The following ABTB2 variants were observed in gnomAD, a reference collection of about 807,000 sequenced individuals.
ABTB2 encodes the protein ankyrin repeat and BTB domain containing 2, also known as ankyrin repeat and BTB/POZ domain-containing protein 2.
ABTB2 carries 56 observed loss-of-function variants against 104.1 expected under a neutral mutation model. That is an observed-to-expected ratio of 0.54 (90% confidence interval 0.43 to 0.67). The LOEUF (loss-of-function observed/expected upper bound fraction) is 0.67, where lower values mean the gene tolerates loss of function less well. Among genes scored for constraint, ABTB2 ranks in the 30% least tolerant of loss-of-function variants. The pLI is 0.00. For synonymous variants in ABTB2, 606 were observed against 608.2 expected, an observed-to-expected ratio of 1.00 and a Z score of 0.05; for missense variants, 1,279 against 1,407.7, an observed-to-expected ratio of 0.91 and a Z score of 1.46.
chr11:34,180,583 A>G (rs1853013989), intron 3 of ABTB2, among the ~76,000 whole-genome samples: 1 of 152,250 alleles, frequency 6.6e-6, no homozygotes, highest in African/African-American at 2.4e-5. Context: ...AGGGCAGCAC[A>G]TGAAATAGAC....
intron 1 of ABTB2, among the ~76,000 whole-genome samples, chr11:34,276,754 G>A (rs1236290275): frequency 6.6e-6 from 1 of 152,184 alleles, no homozygotes; most frequent in Admixed American, 6.5e-5. Flanking sequence ...TAAACAAGGT[G>A]CGCTGCTGAT....
At position 34,154,685 on chromosome 11, in the gene ABTB2, C is replaced by A. The variant is rs199588715; in HGVS notation, c.2766+16G>T. On this transcript the variant is annotated intron_variant, in intron 15 of 16. Coordinates refer to ENST00000435224, the MANE Select transcript of ABTB2 (RefSeq NM_145804.3). The surrounding 1 kb of genome is among the most constrained non-coding windows in gnomAD (Gnocchi z 4.9). ...GCACCCTAGCCCAGGCCCCCTCCCC[C>A]TCTCCCGAGTCTCACCTCCAGGATG... 5.7e-4 allele frequency: 914 copies of A among 1,613,930 alleles called. 3 individuals are homozygous for A. The Middle Eastern group carries it at 5.9e-3, about 10-fold the overall frequency.
intron 3 of ABTB2, among the ~76,000 whole-genome samples, chr11:34,192,632 C>T (rs1408559338): frequency 3.9e-5 from 6 of 152,192 alleles, no homozygotes; most frequent in African/African-American, 9.6e-5. Flanking sequence ...CTGGGGAGAA[C>T]GAGGCAAGAG....
At chr11:34,319,999 C>T (rs1854982261) in intron 1 of ABTB2, among the ~76,000 whole-genome samples, 1 of 152,148 alleles carries the variant, frequency 6.6e-6, no homozygotes, top group African/African-American at 2.4e-5. Context: ...ATCCACCCAC[C>T]TTGGCCTTCC....
At chr11:34,166,490 G>A (rs1852801902) in intron 7 of ABTB2, among the ~76,000 whole-genome samples, 1 of 152,242 alleles carries the variant, frequency 6.6e-6, no homozygotes, top group African/African-American at 2.4e-5. Context: ...GGTGGCCAGT[G>A]GGTAACAGCC....
Position 34,357,670 on chromosome 11 carries a change from G to A in ABTB2, c.-87C>T. The A allele has an allele frequency of 1.5e-6, 2 of 1,312,728 alleles. No homozygotes were observed. Among genetic ancestry groups the A allele is most frequent in the Non-Finnish European group, 9.9e-7 (1 of 1,010,418 alleles). 81.3% of individuals were successfully genotyped at this position (1,312,728 alleles called of 1,614,324 possible). On this transcript the variant is annotated 5_prime_UTR_variant, in exon 1 of 17. Coordinates refer to ENST00000435224, the MANE Select transcript of ABTB2 (RefSeq NM_145804.3). ...CCCAAGTGGGCAGAAACAAGCTCTAGGCCCTCCGGGCCACCCTCCTTCCTC... is the reference window on the plus strand; with the variant it reads ...CCCAAGTGGGCAGAAACAAGCTCTAAGCCCTCCGGGCCACCCTCCTTCCTC...
chr11:34,207,932 C>A (rs1053744562), intron 1 of ABTB2, among the ~76,000 whole-genome samples: 4 of 152,208 alleles, frequency 2.6e-5, no homozygotes, highest in African/African-American at 4.8e-5. Context: ...GGTCTCCAGG[C>A]ACCTCCTGCC....
chr11:34,289,671 C>T (rs558536046), intron 1 of ABTB2, among the ~76,000 whole-genome samples: 10 of 152,242 alleles, frequency 6.6e-5, no homozygotes, highest in African/African-American at 2.2e-4. Context: ...CCAAGTCTTC[C>T]TTCCCATCCA....
chr11:34,324,461 T>C (rs1286458108), intron 1 of ABTB2, among the ~76,000 whole-genome samples: 1 of 152,182 alleles, frequency 6.6e-6, no homozygotes, highest in African/African-American at 2.4e-5. Context: ...CATGAGGTGA[T>C]ATCTACTTGT....
intron 1 of ABTB2, among the ~76,000 whole-genome samples, chr11:34,315,988 G>A (rs1191489683): frequency 6.6e-6 from 1 of 152,232 alleles, no homozygotes; most frequent in Non-Finnish European, 1.5e-5. Context: ...AATGTTTGCA[G>A]TTAAAATGTT....
intron 3 of ABTB2, among the ~76,000 whole-genome samples, chr11:34,178,578 G>A (rs369595745): frequency 7.9e-5 from 12 of 152,314 alleles, no homozygotes; most frequent in African/African-American, 2.2e-4. Context: ...CTCATTCCCC[G>A]CTTGTTGCGT....
rs543895308 is a variant in ABTB2 at position 34,152,011 on chromosome 11, G to T, written c.*376C>A. The T allele has an allele frequency of 3.9e-6, 1 of 254,888 alleles. No individual in the cohort carries two copies. The allele number at this position is 254,888 out of a possible 1,614,324, so 15.8% of individuals were successfully genotyped here. The stretch of plus-strand genomic sequence containing the variant: ...TACCCCCAGGAGCCCCAGTTGGGAT[G>T]GTCTGAGTTTACTGAGGCCCTAGGG... On this transcript the variant is annotated 3_prime_UTR_variant, in exon 17 of 17. Transcript: ENST00000435224.
intron 1 of ABTB2, 24 bp from the exon 2 acceptor site, chr11:34,204,714 G>T: frequency 6.2e-7 from 1 of 1,603,448 alleles, no homozygotes; most frequent in Non-Finnish European, 8.5e-7. Context: ...AGGCAGACAG[G>T]TCACACTTAG....
chr11:34,221,782 TA>T (rs1030991785), intron 1 of ABTB2, among the ~76,000 whole-genome samples: 1 of 152,250 alleles, frequency 6.6e-6, no homozygotes, highest in African/African-American at 2.4e-5. Flanking sequence ...GTCATGCCTA[TA>T]ATCCCAGCAC....
chr11:34,312,758 G>A (rs186943871), intron 1 of ABTB2, among the ~76,000 whole-genome samples: 40 of 152,128 alleles, frequency 2.6e-4, no homozygotes, highest in African/African-American at 9.4e-4. Flanking sequence ...TGGAGGGCAG[G>A]GGTGCAATCA....
chr11:34,351,710 A>G (rs1279835629), intron 1 of ABTB2, among the ~76,000 whole-genome samples: 1 of 152,218 alleles, frequency 6.6e-6, no homozygotes, highest in Non-Finnish European at 1.5e-5. Flanking sequence ...CATGAGAGGT[A>G]CAGGGAAGAC....
chr11:34,273,258 T>C (rs375931075), intron 1 of ABTB2, among the ~76,000 whole-genome samples: 1 of 152,188 alleles, frequency 6.6e-6, no homozygotes, highest in Non-Finnish European at 1.5e-5. Flanking sequence ...TTTATGGAAG[T>C]GAGCCAAGGA....
Position 34,191,868 on chromosome 11 carries a change from C to T in ABTB2, c.1244+5457G>A, listed in dbSNP as rs192886523. Among the ~76,000 whole-genome samples the T allele has an allele frequency of 1.7e-4, 26 of 152,306 alleles. No individual in the cohort carries two copies. In the East Asian group the frequency reaches 2.5e-3, roughly 15 times the overall value. ...CCCTTGCTCTGCTCCTCCCCATCGC[C>T]GGTCTCTCTGGGGTGCCTTGCTGCC... On this transcript the variant is annotated intron_variant, in intron 3 of 16. Transcript: ENST00000435224.
chr11:34,354,750 G>C (rs750140486), intron 1 of ABTB2, among the ~76,000 whole-genome samples: 1 of 152,206 alleles, frequency 6.6e-6, no homozygotes, highest in Non-Finnish European at 1.5e-5. Context: ...ATGAATATAT[G>C]TTTTTGTTTT....
Sources: gnomAD v4.1 joint callset for allele counts (sites outside exome capture counted in the v4.1 genomes callset) on GRCh38, gnomAD v4.1.1 for gene constraint, Gnocchi (gnomAD v3.1) non-coding constraint, MANE v1.5 for transcripts, NCBI Gene and HGNC (gene_info 2026-07-23, HGNC 2026-07-21) for gene names.